TMEM209: variants seen among roughly 807,000 people sequenced by gnomAD.
TMEM209 encodes transmembrane protein 209, also known as testicular tissue protein Li 202.
A neutral mutation model predicts 76.2 loss-of-function variants in TMEM209; 65 were observed. The ratio of observed to expected loss-of-function variants is 0.85; its 90% CI spans 0.70 to 1.05. TMEM209 has a LOEUF of 1.05. Ranked by LOEUF, TMEM209 falls within the 50% of genes least tolerant of loss-of-function variation. The pLI is 0.00. For synonymous variants in TMEM209, 239 were observed against 237.6 expected (o/e 1.01, Z -0.06); for missense variants, 623 against 685.5 (o/e 0.91, Z 1.02).
intron 6 of TMEM209, among the ~76,000 whole-genome samples, chr7:130,189,676 T>A (rs570828929): frequency 2.3e-4 from 35 of 151,972 alleles, no homozygotes; most frequent in Admixed American, 5.2e-4. Context: ...ATACGAAAAG[T>A]GGGGAGGACA....
At chr7:130,205,080 G>A (rs1431959151) in intron 1 of TMEM209, 1 of 1,397,118 alleles carries the variant, frequency 7.2e-7, no homozygotes, top group Non-Finnish European at 9.3e-7. Context: ...AACTCTTACA[G>A]ACCGTGCAAA....
intron 11 of TMEM209, chr7:130,175,244 T>G (rs1242982158): frequency 1.2e-5 from 4 of 326,870 alleles, no homozygotes; most frequent in Non-Finnish European, 2.2e-5. Flanking sequence ...GGGGGATCAC[T>G]TGAACCCAGG....
chr7:130,177,958 A>G (rs1797293409), intron 10 of TMEM209, among the ~76,000 whole-genome samples: 1 of 152,148 alleles, frequency 6.6e-6, no homozygotes, highest in African/African-American at 2.4e-5. Context: ...TAACGTTATG[A>G]ATTGCTCTGT....
chr7:130,171,331 C>G (rs556709487), intron 13 of TMEM209, among the ~76,000 whole-genome samples: 19 of 152,254 alleles, frequency 1.2e-4, no homozygotes, highest in African/African-American at 4.6e-4. Flanking sequence ...TAAAATCAAA[C>G]TATTATATGT....
At chr7:130,201,707 GTTCTATTCTC>G in intron 5 of TMEM209, 133 bp downstream of exon 5, 1 of 1,005,884 alleles carries the variant, frequency 9.9e-7, no homozygotes, top group Middle Eastern at 3.0e-4. Context: ...AAGATATTAT[GTTCTATTCTC>G]GGTTTTTAAA....
At chr7:130,175,792 A>G (rs989482724) in intron 10 of TMEM209, among the ~76,000 whole-genome samples, 183 bp from the exon 11 acceptor site, 2 of 152,182 alleles carry the variant, frequency 1.3e-5, no homozygotes, top group Non-Finnish European at 2.9e-5. Flanking sequence ...ACATCAGATA[A>G]ATCCAAAATG....
intron 8 of TMEM209, among the ~76,000 whole-genome samples, chr7:130,183,803 C>T (rs1295443025): frequency 6.6e-6 from 1 of 152,182 alleles, no homozygotes; most frequent in Non-Finnish European, 1.5e-5. Context: ...GTTGTCTTAT[C>T]TCTCTAACTC....
At chr7:130,191,300 G>A (rs534576362) in intron 6 of TMEM209, among the ~76,000 whole-genome samples, 77 of 151,442 alleles carry the variant, frequency 5.1e-4, no homozygotes, top group African/African-American at 1.6e-3. Flanking sequence ...ACGTAATCTC[G>A]TATGTATACT....
chr7:130,201,764 C>A (rs1798209336), intron 5 of TMEM209, 86 bp downstream of exon 5: 1 of 1,527,122 alleles, frequency 6.5e-7, no homozygotes, highest in South Asian at 1.3e-5. Flanking sequence ...AGTTTGCTCA[C>A]TGATAAGTTT....
intron 9 of TMEM209, among the ~76,000 whole-genome samples, chr7:130,178,916 C>A (rs1293576689): frequency 6.6e-6 from 1 of 152,082 alleles, no homozygotes; most frequent in Non-Finnish European, 1.5e-5. Flanking sequence ...GCAGCTGGGA[C>A]TACAGGCACA....
chr7:130,192,023 T>C (rs1251025875), intron 6 of TMEM209, among the ~76,000 whole-genome samples: 4 of 152,192 alleles, frequency 2.6e-5, no homozygotes, highest in South Asian at 4.1e-4. Context: ...GCGCCTAATA[T>C]GCTTTCGTGA....
chr7:130,170,486 CAAAA>C lies in TMEM209; in HGVS notation c.1558-17_1558-14del. On this transcript the variant is annotated splice_polypyrimidine_tract_variant and intron_variant, in intron 13 of 14. Transcript: ENST00000397622. Reference sequence around the variant, plus strand: ...TATTATTTCTGCCCTGGAACAAAGACAAAAAAGACAAGATTTAAACCAAATGAAA... The same window carrying C: ...TATTATTTCTGCCCTGGAACAAAGACAAGACAAGATTTAAACCAAATGAAA... 1 of 1,599,156 alleles carries C rather than the reference CAAAA, an allele frequency of 6.3e-7. No individual in the cohort carries two copies. The highest frequency in any genetic ancestry group is 1.1e-5 in the South Asian group (1 of 89,000).
Position 130,198,619 on chromosome 7 carries a change from C to A in TMEM209, c.573+3231G>T, listed in dbSNP as rs917125590. 3.3e-5 allele frequency among the ~76,000 whole-genome samples: 5 copies of A among 152,004 alleles called. No homozygotes were observed. The Middle Eastern group carries it at 0.01, about 310-fold the overall frequency. ...AGAGTGAAACTCTGTCTCAAAAAAA[C>A]CCCCCCAAAAAACAAAAATGAAACC... On this transcript the variant is annotated intron_variant, in intron 5 of 14. Coordinates refer to ENST00000397622, the MANE Select transcript of TMEM209 (RefSeq NM_032842.4).
intron 13 of TMEM209, among the ~76,000 whole-genome samples, chr7:130,172,957 C>T (rs1584666513): frequency 1.4e-5 from 2 of 141,892 alleles, no homozygotes; most frequent in South Asian, 2.2e-4. Context: ...CAAGATTGCA[C>T]CACTGCACTC....
rs1479210062 is a variant in TMEM209 at position 130,173,672 on chromosome 7, T to C, written c.1517A>G (p.Tyr506Cys). The stretch of plus-strand genomic sequence containing the variant: ...TACATGACGCTGGTAGATGAGCTCA[T>C]AATGGGGAGGGTTGATAGCACTCTG... ...IYQSAINPPHYELIYQRHVYN... is the reference protein window; with the variant it reads ...IYQSAINPPHCELIYQRHVYN... Residue 506 changes from tyrosine to cysteine, a missense_variant, in exon 13 of 15, where the codon TAT becomes TGT. By Grantham distance (194) the Tyr-to-Cys change is radical. Transcript: ENST00000397622. The C allele has an allele frequency of 2.5e-6, 4 of 1,613,716 alleles. No homozygotes were observed. The highest frequency in any genetic ancestry group is 2.5e-6 in the Non-Finnish European group (3 of 1,179,822).
intron 13 of TMEM209, 22 bp from the exon 14 acceptor site, chr7:130,170,495 C>G: frequency 1.9e-6 from 3 of 1,596,270 alleles, no homozygotes; most frequent in Non-Finnish European, 2.6e-6. Context: ...ACAAAAAAGA[C>G]AAGATTTAAA....
intron 9 of TMEM209, among the ~76,000 whole-genome samples, chr7:130,179,586 A>G (rs1797344802): frequency 6.6e-6 from 1 of 152,234 alleles, no homozygotes; most frequent in Non-Finnish European, 1.5e-5. Context: ...CAACTGTACT[A>G]GCAATATCCA....
intron 13 of TMEM209, among the ~76,000 whole-genome samples, chr7:130,172,717 G>T (rs1450989787): frequency 6.6e-6 from 1 of 151,980 alleles, no homozygotes; most frequent in Non-Finnish European, 1.5e-5. Flanking sequence ...AGTATTTTTA[G>T]GCCGGGCATG....
intron 5 of TMEM209, among the ~76,000 whole-genome samples, chr7:130,201,174 CT>C (rs1280483033): frequency 1.4e-5 from 2 of 145,968 alleles, no homozygotes; most frequent in Admixed American, 1.4e-4. Context: ...AGAGACTCCT[CT>C]TTTAACTAGC....
Sources: allele counts gnomAD v4.1 joint callset (sites outside exome capture counted in the v4.1 genomes callset), GRCh38; gene constraint gnomAD v4.1.1; transcripts MANE v1.5; gene names NCBI Gene and HGNC (gene_info 2026-07-23, HGNC 2026-07-21).